Variants in CPED1 observed in about 807,000 individuals in gnomAD.
CPED1 encodes the protein cadherin-like and PC-esterase domain-containing protein 1.
CPED1 carries 114 observed loss-of-function variants against 128.2 expected under a neutral mutation model. The ratio of observed to expected loss-of-function variants is 0.89; its 90% confidence interval spans 0.76 to 1.04. The LOEUF (loss-of-function observed/expected upper bound fraction) is 1.04. Ranked by LOEUF, CPED1 falls within the 50% of genes least tolerant of loss-of-function variation. The pLI, the probability that CPED1 is intolerant of heterozygous loss-of-function variation, is 0.00. For missense variants in CPED1, 1,211 were observed against 1,207.1 expected (o/e 1.00, Z -0.05); for synonymous variants, 462 against 426.7 (o/e 1.08, Z -1.02).
At chr7:121,005,513 G>T (rs1791988174) in intron 2 of CPED1, among the ~76,000 whole-genome samples, 1 of 151,880 alleles carries the variant, frequency 6.6e-6, no homozygotes, top group Admixed American at 6.6e-5. Flanking sequence ...GCGGGTGGGG[G>T]GCTGGGGAGG....
chr7:121,189,837 G>A (rs1797095980), intron 16 of CPED1, among the ~76,000 whole-genome samples: 2 of 128,796 alleles, frequency 1.6e-5, no homozygotes, highest in Admixed American at 1.7e-4. Context: ...TCTTAACTCT[G>A]CATCCATTTA....
At chr7:120,994,560 T>A (rs1487577080) in intron 2 of CPED1, among the ~76,000 whole-genome samples, 1 of 151,850 alleles carries the variant, frequency 6.6e-6, no homozygotes, top group Non-Finnish European at 1.5e-5. Context: ...AGCCTGCATA[T>A]GCAAATAAGA....
At chr7:121,236,336 A>C (rs1023991280) in intron 16 of CPED1, among the ~76,000 whole-genome samples, 1 of 152,162 alleles carries the variant, frequency 6.6e-6, no homozygotes, top group Non-Finnish European at 1.5e-5. Flanking sequence ...AATGAAATTC[A>C]TCTGTTAAAT....
chr7:121,296,613 G>A lies in CPED1; in HGVS notation c.*961G>A, dbSNP rs1309458208. ...GTCCACAAATAGTATTATGTTACTAGTATCTATATTTTGATTTTCCTGAGC... is the reference window on the plus strand; with the variant it reads ...GTCCACAAATAGTATTATGTTACTAATATCTATATTTTGATTTTCCTGAGC... On this transcript the variant is annotated 3_prime_UTR_variant, in exon 23 of 23. Coordinates refer to ENST00000310396, the MANE Select transcript of CPED1 (RefSeq NM_024913.5). 2 of 152,034 alleles carry A rather than the reference G, an allele frequency of 1.3e-5. No homozygotes were observed. The highest frequency in any genetic ancestry group is 4.8e-5 in the African/African-American group (2 of 41,412). 9.4% of individuals were successfully genotyped at this position (152,034 alleles called of 1,614,324 possible). A position where few individuals can be genotyped will look rare whatever the true frequency, so the allele number is the denominator to read the frequency against.
At chr7:121,232,010 T>A (rs781068276) in intron 16 of CPED1, among the ~76,000 whole-genome samples, 1 of 152,060 alleles carries the variant, frequency 6.6e-6, no homozygotes, top group Non-Finnish European at 1.5e-5. Flanking sequence ...AATTAAGATG[T>A]TGATAGAAGA....
chr7:121,288,590 G>A (rs1186189277), intron 22 of CPED1, among the ~76,000 whole-genome samples: 2 of 152,258 alleles, frequency 1.3e-5, no homozygotes, highest in South Asian at 4.1e-4. Context: ...CTATATTTTT[G>A]TATATCCCAT....
chr7:121,181,170 T>C (rs1563056785), intron 16 of CPED1, among the ~76,000 whole-genome samples: 1 of 152,076 alleles, frequency 6.6e-6, no homozygotes, highest in Non-Finnish European at 1.5e-5. Context: ...GAAACAATGG[T>C]GTTCAGCTGA....
intron 5 of CPED1, among the ~76,000 whole-genome samples, chr7:121,087,013 A>G (rs1046114978): frequency 1.3e-5 from 2 of 152,256 alleles, no homozygotes; most frequent in African/African-American, 2.4e-5. Context: ...CAGGGGACCT[A>G]GGTAGAAATG....
At chr7:121,120,445 T>C (rs1449493262) in intron 7 of CPED1, among the ~76,000 whole-genome samples, 3 of 152,194 alleles carry the variant, frequency 2.0e-5, no homozygotes, top group African/African-American at 7.2e-5. Flanking sequence ...AAAATGACCT[T>C]AAGTACCAAC....
In CPED1 at chr7:121,296,831, G is replaced by A. The variant is rs1792832535; in HGVS notation, c.*1179G>A. 6.6e-6 allele frequency: 1 copy of A among 152,300 alleles called. No individual in the cohort carries two copies. Among genetic ancestry groups the A allele is most frequent in the Non-Finnish European group, 1.5e-5 (1 of 67,936 alleles). The allele number at this position is 152,300 out of a possible 1,614,324, so 9.4% of individuals were successfully genotyped here. A position where few individuals can be genotyped will look rare whatever the true frequency, so the allele number is the denominator to read the frequency against. ...CATCACACTGTTACAATGGATTTTA[G>A]AGGTTTGTCTTTTTTGGGTGGGGTG... On this transcript the variant is annotated 3_prime_UTR_variant, in exon 23 of 23. Coordinates refer to ENST00000310396, the MANE Select transcript of CPED1 (RefSeq NM_024913.5).
chr7:121,270,372 A>T (rs1045685551), intron 21 of CPED1, among the ~76,000 whole-genome samples: 1 of 152,044 alleles, frequency 6.6e-6, no homozygotes, highest in South Asian at 2.1e-4. Context: ...TTTGCTGTGC[A>T]TAGCTCTTTA....
intron 3 of CPED1, among the ~76,000 whole-genome samples, chr7:121,026,759 C>T (rs183095649): frequency 1.3e-5 from 2 of 149,808 alleles, no homozygotes; most frequent in East Asian, 2.0e-4. Context: ...TGCCTGATCA[C>T]ATTTCAAAGC....
At chr7:121,051,675 T>C in intron 4 of CPED1, 1 of 318,070 alleles carries the variant, frequency 3.1e-6, no homozygotes, top group Non-Finnish European at 6.0e-6. Flanking sequence ...CAGAATTGTG[T>C]GCACTCTGTA....
rs924936015 is a variant in CPED1, at chr7:120,988,799, G to A, written c.-345G>A. 4 of 152,252 alleles carry A rather than the reference G, an allele frequency of 2.6e-5. No individual in the cohort carries two copies. The East Asian group carries it at 5.8e-4, about 22-fold the overall frequency. 9.4% of individuals were successfully genotyped at this position (152,252 alleles called of 1,614,324 possible). On this transcript the variant is annotated 5_prime_UTR_variant, in exon 1 of 23. The change creates a new upstream start codon in the 5' untranslated region. Coordinates refer to ENST00000310396, the MANE Select transcript of CPED1 (RefSeq NM_024913.5). Reference sequence around the variant, plus strand: ...TGTGTGTGTCTCTCTCTGTGTGTGTGTGAGATGAATTGGAGTCATACGACT... The same window carrying A: ...TGTGTGTGTCTCTCTCTGTGTGTGTATGAGATGAATTGGAGTCATACGACT...
chr7:121,176,193 GAAAAAA>G (rs34712656), intron 16 of CPED1, among the ~76,000 whole-genome samples: 3 of 62,046 alleles, frequency 4.8e-5, no homozygotes, highest in African/African-American at 8.2e-5. Flanking sequence ...CTCCCCGCTG[GAAAAAA>G]AAAAAAAAAA....
intron 22 of CPED1, among the ~76,000 whole-genome samples, chr7:121,273,350 C>T (rs983425575): frequency 4.0e-5 from 6 of 151,800 alleles, no homozygotes; most frequent in Admixed American, 3.3e-4. Context: ...GGTGAAACCC[C>T]GTCTCTACTA....
At chr7:121,198,655 A>T (rs1797322082) in intron 16 of CPED1, among the ~76,000 whole-genome samples, 1 of 152,108 alleles carries the variant, frequency 6.6e-6, no homozygotes, top group South Asian at 2.1e-4. Context: ...ACTACGCCAG[A>T]GCCTTCTCTG....
At chr7:121,233,899 A>AT (rs952747635) in intron 16 of CPED1, among the ~76,000 whole-genome samples, 16 of 151,882 alleles carry the variant, frequency 1.1e-4, no homozygotes, top group Admixed American at 9.2e-4. Context: ...GGCTCATTCT[A>AT]TTTTTTCTGC....
intron 18 of CPED1, among the ~76,000 whole-genome samples, chr7:121,265,749 G>A (rs1409232432): frequency 4.6e-5 from 7 of 151,948 alleles, no homozygotes; most frequent in Admixed American, 3.3e-4. Flanking sequence ...GACATGCACC[G>A]CTGTTCAGAA....
Sources: gnomAD v4.1 joint callset for allele counts (sites outside exome capture counted in the v4.1 genomes callset) on GRCh38, gnomAD v4.1.1 for gene constraint, MANE v1.5 for transcripts, NCBI Gene and HGNC (gene_info 2026-07-23, HGNC 2026-07-21) for gene names.